Variants in EFNB3 observed in about 807,000 individuals in gnomAD.
The protein encoded by EFNB3 is ephrin B3, also known as ephrin-B3.
EFNB3 carries 14 observed loss-of-function variants against 29.8 expected under a neutral mutation model. The observed-to-expected ratio is 0.47, with a 90% CI of 0.31 to 0.73. The LOEUF is 0.73. Among genes scored for constraint, EFNB3 ranks in the 30% least tolerant of loss-of-function variants. The pLI, the probability that EFNB3 is intolerant of heterozygous loss-of-function variation, is 0.05. For missense variants in EFNB3, 408 were observed against 458.0 expected (o/e 0.89, Z 1.00); for synonymous variants, 216 against 191.6 (o/e 1.13, Z -1.05).
Position 7,708,306 on chromosome 17 carries a change from G to C in EFNB3, c.415+56G>C. On this transcript the variant is annotated intron_variant, in intron 2 of 4. Transcript: ENST00000226091. This position sits in a 1 kb window ranked among gnomAD's most constrained non-coding sequence, Gnocchi z 6.8. ...GGGGGCTCCTGATACTGAGCAGAGA[G>C]GGAGGGGGACCCCTGCAGCCAAGAG... 1 of 1,590,378 alleles carries C rather than the reference G, an allele frequency of 6.3e-7. No homozygotes were observed. Among genetic ancestry groups the C allele is most frequent in the Non-Finnish European group, 8.6e-7 (1 of 1,167,792 alleles).
chr17:7,707,895 G>A (rs1043149709), intron 1 of EFNB3, 63 bp from the exon 2 acceptor site: 13 of 1,527,928 alleles, frequency 8.5e-6, no homozygotes, highest in Non-Finnish European at 1.1e-5. Context: ...GTGAGGGAAG[G>A]AAAGTTCTGG....
rs1025703801 is a variant in EFNB3 at position 7,708,695 on chromosome 17, G to A, written c.569G>A (p.Arg190Gln). Residue 190 changes from arginine (R) to glutamine (Q), a missense_variant, in exon 4 of 5, where the codon CGA becomes CAA. Around this residue, in one of 3 missense-constraint regions of EFNB3, gnomAD observed 233 missense variants for 230.7 expected, o/e 1.01. Transcript: ENST00000226091. The surrounding 1 kb of genome is among the most constrained non-coding windows in gnomAD (Gnocchi z 6.8). ...TCTGAAATGCCCATGGAAAGAGACC[G>A]AGGGGCAGCCCACAGCCTGGAGCCT... is the stretch of plus-strand genomic sequence containing the variant. The part of the protein sequence containing the change: ...PVSEMPMERD[R>Q]GAAHSLEPGK... 9 of 1,578,412 alleles carry A rather than the reference G, an allele frequency of 5.7e-6. No homozygotes were observed. The highest frequency in any genetic ancestry group is 7.7e-6 in the Non-Finnish European group (9 of 1,161,336).
Position 7,705,637 on chromosome 17 carries a change from C to A in EFNB3, c.39C>A (p.Val13=). The A allele has an allele frequency of 1.3e-6, 2 of 1,515,022 alleles. No individual in the cohort carries two copies. Among genetic ancestry groups the A allele is most frequent in the East Asian group, 2.6e-5 (1 of 37,888 alleles). 93.8% of individuals were successfully genotyped at this position (1,515,022 alleles called of 1,614,324 possible). A position where few individuals can be genotyped will look rare whatever the true frequency, so the allele number is the denominator to read the frequency against. The change falls in exon 1 of 5, where the codon GTC becomes GTA. Residue 13 remains valine, a synonymous_variant. Transcript: ENST00000226091. This position sits in a 1 kb window ranked among gnomAD's most constrained non-coding sequence, Gnocchi z 5.4. ...PPHSGPGGVR[V]GALLLLGVLG... Reference sequence around the variant, plus strand: ...ATTCTGGGCCGGGGGGCGTGCGAGTCGGGGCCCTGCTGCTGCTGGGGGTTT... The same window carrying A: ...ATTCTGGGCCGGGGGGCGTGCGAGTAGGGGCCCTGCTGCTGCTGGGGGTTT...
At position 7,709,383 on chromosome 17, in the gene EFNB3, T is replaced by TG; in HGVS notation, c.836dup (p.Gly280TrpfsTer10). ...TTCGGGAGGGGAGGGTCTCTGGGCCTGGGGGGTGGAGGTGGGATGGGACCT... is the reference window on the plus strand; with the variant it reads ...TTCGGGAGGGGAGGGTCTCTGGGCCTGGGGGGGTGGAGGTGGGATGGGACCT... On this transcript the variant is annotated frameshift_variant, in exon 5 of 5. Coordinates refer to ENST00000226091, the MANE Select transcript of EFNB3 (RefSeq NM_001406.4). LOFTEE classifies it high-confidence loss of function. The surrounding 1 kb of genome is among the most constrained non-coding windows in gnomAD (Gnocchi z 4.5). The TG allele has an allele frequency of 1.2e-6, 1 of 828,312 alleles. No homozygotes were observed. The allele number at this position is 828,312 out of a possible 1,614,324, so 51.3% of individuals were successfully genotyped here. A position where few individuals can be genotyped will look rare whatever the true frequency, so the allele number is the denominator to read the frequency against.
chr17:7,705,775 C>G lies in EFNB3; in HGVS notation c.122+55C>G. The G allele has an allele frequency of 1.3e-6, 2 of 1,511,930 alleles. No homozygotes were observed. The highest frequency in any genetic ancestry group is 5.0e-5 in the Admixed American group (2 of 39,694). 93.7% of individuals were successfully genotyped at this position (1,511,930 alleles called of 1,614,324 possible). On this transcript the variant is annotated intron_variant, in intron 1 of 4. Transcript: ENST00000226091. This position sits in a 1 kb window ranked among gnomAD's most constrained non-coding sequence, Gnocchi z 5.4. Reference sequence around the variant, plus strand: ...GACCCTAGGGCAGTGGGTAGGGAAGCTCTGGGGGCTTGGAGGCGGGCTTCT... The same window carrying G: ...GACCCTAGGGCAGTGGGTAGGGAAGGTCTGGGGGCTTGGAGGCGGGCTTCT...
chr17:7,709,798 T>C lies in EFNB3; in HGVS notation c.*222T>C, dbSNP rs1240075867. 1 of 609,420 alleles carries C rather than the reference T, an allele frequency of 1.6e-6. No homozygotes were observed. The allele number at this position is 609,420 out of a possible 1,614,324, so 37.8% of individuals were successfully genotyped here. On this transcript the variant is annotated 3_prime_UTR_variant, in exon 5 of 5. Coordinates refer to ENST00000226091, the MANE Select transcript of EFNB3 (RefSeq NM_001406.4). This position sits in a 1 kb window ranked among gnomAD's most constrained non-coding sequence, Gnocchi z 4.5. The stretch of plus-strand genomic sequence containing the variant: ...TTGGCCATGGGTGCCCCCCTCTGTC[T>C]CAGTGTCCCTGGATCCTTTTTCCTT...
Position 7,705,650 on chromosome 17 carries a change from C to T in EFNB3, c.52C>T (p.Leu18=). 1 of 1,522,936 alleles carries T rather than the reference C, an allele frequency of 6.6e-7. No individual in the cohort carries two copies. Among genetic ancestry groups the T allele is most frequent in the Non-Finnish European group, 8.7e-7 (1 of 1,149,814 alleles). The allele number at this position is 1,522,936 out of a possible 1,614,324, so 94.3% of individuals were successfully genotyped here. Residue 18 remains leucine (L), a synonymous_variant, in exon 1 of 5, where the codon CTG becomes TTG. Transcript: ENST00000226091. The surrounding 1 kb of genome is among the most constrained non-coding windows in gnomAD (Gnocchi z 5.4). ...PGGVRVGALL[L]LGVLGLVSGL... ...GGGCGTGCGAGTCGGGGCCCTGCTG[C>T]TGCTGGGGGTTTTGGGGCTGGTGTC... is the stretch of plus-strand genomic sequence containing the variant.
rs1478680324 is a variant in EFNB3 at position 7,705,708 on chromosome 17, C to T, written c.110C>T (p.Ser37Leu). 1.9e-6 allele frequency: 3 copies of T among 1,560,772 alleles called. No homozygotes were observed. The highest frequency in any genetic ancestry group is 1.2e-5 in the South Asian group (1 of 84,312). Residue 37 changes from serine (S) to leucine (L), a missense_variant, in exon 1 of 5, where the codon TCG (serine) becomes TTG (leucine). Physicochemically the swap from Ser to Leu is moderately radical, Grantham distance 145 (BLOSUM62 -2). Coordinates refer to ENST00000226091, the MANE Select transcript of EFNB3 (RefSeq NM_001406.4). The surrounding 1 kb of genome is among the most constrained non-coding windows in gnomAD (Gnocchi z 5.4). ...GLSLEPVYWNSANKRFQAEGG... is the reference protein window; with the variant it reads ...GLSLEPVYWNLANKRFQAEGG... ...AGCCTGGAGCCTGTCTACTGGAACT[C>T]GGCGAATAAGAGGTGAGTGGCCTGC...
In EFNB3 at chr17:7,708,243, C is replaced by T. The variant is rs1227411336; in HGVS notation, c.408C>T (p.Tyr136=). Residue 136 remains tyrosine, a synonymous_variant, in exon 2 of 5, where the codon TAC becomes TAT. Transcript: ENST00000226091. This position sits in a 1 kb window ranked among gnomAD's most constrained non-coding sequence, Gnocchi z 6.8. ...GHEFRSHHDY[Y]IIATSDGTRE... ...AGTTCCGCTCGCACCACGATTACTA[C>T]ATCATTGGTACTGCTGGGCAGAGGG... 1 of 1,609,560 alleles carries T rather than the reference C, an allele frequency of 6.2e-7. No homozygotes were observed. Among genetic ancestry groups the T allele is most frequent in the South Asian group, 1.1e-5 (1 of 91,060 alleles).
In EFNB3 at chr17:7,709,799, C is replaced by T. The variant is rs576397534; in HGVS notation, c.*223C>T. Reference sequence around the variant, plus strand: ...TGGCCATGGGTGCCCCCCTCTGTCTCAGTGTCCCTGGATCCTTTTTCCTTG... The same window carrying T: ...TGGCCATGGGTGCCCCCCTCTGTCTTAGTGTCCCTGGATCCTTTTTCCTTG... On this transcript the variant is annotated 3_prime_UTR_variant, in exon 5 of 5. Coordinates refer to ENST00000226091, the MANE Select transcript of EFNB3 (RefSeq NM_001406.4). The surrounding 1 kb of genome is among the most constrained non-coding windows in gnomAD (Gnocchi z 4.5). 1.1e-4 allele frequency: 65 copies of T among 611,482 alleles called. No homozygotes were observed. In the South Asian group the frequency reaches 1.1e-3, roughly 10 times the overall value. The allele number at this position is 611,482 out of a possible 1,614,324, so 37.9% of individuals were successfully genotyped here.
chr17:7,709,455 G>A lies in EFNB3; in HGVS notation c.902G>A (p.Gly301Glu). Residue 301 changes from glycine (G) to glutamate (E), a missense_variant, in exon 5 of 5, where the codon GGG becomes GAG. This residue lies in a region of EFNB3 where 233 missense variants were observed against 230.7 expected (regional missense o/e 1.01). Transcript: ENST00000226091. The surrounding 1 kb of genome is among the most constrained non-coding windows in gnomAD (Gnocchi z 4.5). The stretch of plus-strand genomic sequence containing the variant: ...CTAGGGATAGCTCTGCGGGGTGGCG[G>A]GGCTGCAGATCCCCCCTTCTGCCCC... Reference protein sequence around the residue: ...GELGIALRGGGAADPPFCPHY... With the variant: ...GELGIALRGGEAADPPFCPHY... 6.2e-7 allele frequency: 1 copy of A among 1,613,664 alleles called. No homozygotes were observed. Among genetic ancestry groups the A allele is most frequent in the Non-Finnish European group, 8.5e-7 (1 of 1,179,782 alleles).
At position 7,708,556 on chromosome 17, in the gene EFNB3, G is replaced by T; in HGVS notation, c.508+29G>T. 1 of 1,608,532 alleles carries T rather than the reference G, an allele frequency of 6.2e-7. No individual in the cohort carries two copies. Among genetic ancestry groups the T allele is most frequent in the Non-Finnish European group, 8.5e-7 (1 of 1,177,510 alleles). ...AGTGGGGCTGGGGGACACCTCCTGG[G>T]CACGAAGGGACGTTGGGGCAGTACG... is the stretch of plus-strand genomic sequence containing the variant. On this transcript the variant is annotated intron_variant, in intron 3 of 4. Coordinates refer to ENST00000226091, the MANE Select transcript of EFNB3 (RefSeq NM_001406.4). The surrounding 1 kb of genome is among the most constrained non-coding windows in gnomAD (Gnocchi z 6.8).
At chr17:7,707,933 GTC>G in intron 1 of EFNB3, 23 bp from the exon 2 acceptor site, 1 of 1,578,852 alleles carries the variant, frequency 6.3e-7, no homozygotes, top group East Asian at 2.2e-5. Context: ...TCTCTTCCTT[GTC>G]CACCTTACCC....
intron 1 of EFNB3, among the ~76,000 whole-genome samples, chr17:7,707,617 G>A (rs139677018): frequency 6.6e-6 from 1 of 152,272 alleles, no homozygotes; most frequent in East Asian, 1.9e-4. Flanking sequence ...TTCCAGAGAG[G>A]CCAGCTCCTT....
Position 7,705,800 on chromosome 17 carries a change from T to G in EFNB3, c.122+80T>G. The G allele has an allele frequency of 6.7e-7, 1 of 1,488,606 alleles. No homozygotes were observed. The highest frequency in any genetic ancestry group is 2.6e-5 in the Admixed American group (1 of 38,638). 92.2% of individuals were successfully genotyped at this position (1,488,606 alleles called of 1,614,324 possible). ...CTCTGGGGGCTTGGAGGCGGGCTTCTGTGGGCAGGGAGGAGGCGGGAGGGA... is the reference window on the plus strand; with the variant it reads ...CTCTGGGGGCTTGGAGGCGGGCTTCGGTGGGCAGGGAGGAGGCGGGAGGGA... On this transcript the variant is annotated intron_variant, in intron 1 of 4. Coordinates refer to ENST00000226091, the MANE Select transcript of EFNB3 (RefSeq NM_001406.4). This position sits in a 1 kb window ranked among gnomAD's most constrained non-coding sequence, Gnocchi z 5.4.
At chr17:7,707,486 C>T (rs968617432) in intron 1 of EFNB3, among the ~76,000 whole-genome samples, 4 of 152,168 alleles carry the variant, frequency 2.6e-5, no homozygotes, top group Non-Finnish European at 4.4e-5. Context: ...CTCCCTGAAC[C>T]GCCGCCCCCT....
At position 7,705,935 on chromosome 17, in the gene EFNB3, T is replaced by A. The variant is rs2074326306; in HGVS notation, c.122+215T>A. ...GGGTGGTGCTATGGATGTCAGGAGT[T>A]TGGAGACCCCAAAGGGGCAAGGAGA... On this transcript the variant is annotated intron_variant, in intron 1 of 4. Transcript: ENST00000226091. This position sits in a 1 kb window ranked among gnomAD's most constrained non-coding sequence, Gnocchi z 5.4. Among the ~76,000 whole-genome samples the A allele has an allele frequency of 6.6e-6, 1 of 150,724 alleles. No individual in the cohort carries two copies. The highest frequency in any genetic ancestry group is 2.1e-4 in the South Asian group (1 of 4,734).
chr17:7,709,683 C>A lies in EFNB3; in HGVS notation c.*107C>A. On this transcript the variant is annotated 3_prime_UTR_variant, in exon 5 of 5. Coordinates refer to ENST00000226091, the MANE Select transcript of EFNB3 (RefSeq NM_001406.4). This position sits in a 1 kb window ranked among gnomAD's most constrained non-coding sequence, Gnocchi z 4.5. ...CTAACATCTCGGCCCCCTGTGCCCC[C>A]CCAGCCCCTTCACTCCTCCCGGCTG... The A allele has an allele frequency of 8.4e-7, 1 of 1,189,216 alleles. No homozygotes were observed. Among genetic ancestry groups the A allele is most frequent in the Non-Finnish European group, 1.2e-6 (1 of 824,514 alleles). 73.7% of individuals were successfully genotyped at this position (1,189,216 alleles called of 1,614,324 possible).
Position 7,709,964 on chromosome 17 carries a change from CTCTA to C in EFNB3, c.*392_*395del, listed in dbSNP as rs2074343891. The C allele has an allele frequency of 5.8e-6, 2 of 344,302 alleles. No homozygotes were observed. The highest frequency in any genetic ancestry group is 1.1e-5 in the Non-Finnish European group (2 of 186,274). 21.3% of individuals were successfully genotyped at this position (344,302 alleles called of 1,614,324 possible). ...TTCTGCCTCTCACTGGTTTTCTCTT[CTCTA>C]TCTCTTATTCTTTCCCTCTCTTCCG... On this transcript the variant is annotated 3_prime_UTR_variant, in exon 5 of 5. Coordinates refer to ENST00000226091, the MANE Select transcript of EFNB3 (RefSeq NM_001406.4). This position sits in a 1 kb window ranked among gnomAD's most constrained non-coding sequence, Gnocchi z 4.5.
Sources: allele counts gnomAD v4.1 joint callset (sites outside exome capture counted in the v4.1 genomes callset), GRCh38; gene constraint gnomAD v4.1.1; regional missense constraint gnomAD v4.1.1; non-coding constraint Gnocchi (gnomAD v3.1); transcripts MANE v1.5; gene names NCBI Gene and HGNC (gene_info 2026-07-23, HGNC 2026-07-21).